PCDH9: variants seen among roughly 807,000 people sequenced by gnomAD.
PCDH9 encodes protocadherin 9.
In PCDH9, 24 loss-of-function variants were observed where a neutral mutation model predicts 70.6. The observed-to-expected ratio is 0.34, with a 90% confidence interval of 0.25 to 0.48. The LOEUF is 0.48. PCDH9 is among the 20% of genes least tolerant of loss of function. The pLI, the probability that PCDH9 is intolerant of heterozygous loss-of-function variation, is 0.99. For synonymous variants in PCDH9, 562 were observed against 558.5 expected (o/e 1.01, Z -0.09); for missense variants, 1,281 against 1,503.6 (o/e 0.85, Z 2.45).
At chr13:66,975,901 C>T (rs1484197147) in intron 2 of PCDH9, among the ~76,000 whole-genome samples, 1 of 152,012 alleles carries the variant, frequency 6.6e-6, no homozygotes, top group Admixed American at 6.6e-5. Flanking sequence ...GAAAGTAATA[C>T]ATTTCTAAAT....
intron 4 of PCDH9, among the ~76,000 whole-genome samples, chr13:66,510,651 G>A (rs1959428510): frequency 6.6e-6 from 1 of 152,064 alleles, no homozygotes; most frequent in Non-Finnish European, 1.5e-5. Flanking sequence ...GAGAATGATG[G>A]TTTCCAGCTT....
At chr13:66,767,604 A>G (rs1470423699) in intron 3 of PCDH9, among the ~76,000 whole-genome samples, 6 of 152,038 alleles carry the variant, frequency 3.9e-5, no homozygotes, top group Admixed American at 3.3e-4. Context: ...ACTTTTCAGG[A>G]AAGAGTTATG....
At chr13:66,541,103 C>A (rs1422109224) in intron 4 of PCDH9, among the ~76,000 whole-genome samples, 1 of 152,124 alleles carries the variant, frequency 6.6e-6, no homozygotes, top group Non-Finnish European at 1.5e-5. Context: ...TCTGAAGAAT[C>A]CCTTCCTCCT....
At chr13:66,420,932 C>T (rs1593951263) in intron 4 of PCDH9, among the ~76,000 whole-genome samples, 2 of 152,116 alleles carry the variant, frequency 1.3e-5, no homozygotes, top group East Asian at 3.9e-4. Context: ...AGCTAAGAAC[C>T]TTGATAAAAG....
At chr13:66,539,618 T>G (rs1442913563) in intron 4 of PCDH9, among the ~76,000 whole-genome samples, 1 of 152,112 alleles carries the variant, frequency 6.6e-6, no homozygotes, top group Non-Finnish European at 1.5e-5. Context: ...ACCCACAGAA[T>G]CTGAAGCTAA....
At chr13:66,731,477 T>C (rs760671674) in intron 3 of PCDH9, among the ~76,000 whole-genome samples, 4 of 152,180 alleles carry the variant, frequency 2.6e-5, no homozygotes, top group Non-Finnish European at 5.9e-5. Flanking sequence ...ATTGTATCAT[T>C]AGCCTAATAA....
intron 4 of PCDH9, among the ~76,000 whole-genome samples, chr13:66,319,982 T>C (rs1196461618): frequency 2.6e-5 from 4 of 152,150 alleles, no homozygotes; most frequent in Non-Finnish European, 4.4e-5. Flanking sequence ...CTATTACCTA[T>C]AGGTAATATG....
intron 3 of PCDH9, among the ~76,000 whole-genome samples, chr13:66,859,780 G>T (rs79852424): frequency 0.03 from 4,625 of 152,202 alleles, 241 homozygotes; most frequent in African/African-American, 0.1. Flanking sequence ...TACATGCGGA[G>T]AATTCATGCT....
chr13:66,672,743 G>A (rs989102411), intron 3 of PCDH9, among the ~76,000 whole-genome samples: 6 of 152,220 alleles, frequency 3.9e-5, no homozygotes, highest in African/African-American at 1.4e-4. Flanking sequence ...CTGGATGTGA[G>A]ACATGCAGTC....
intron 2 of PCDH9, among the ~76,000 whole-genome samples, chr13:67,006,032 C>T (rs2084345134): frequency 6.6e-6 from 1 of 152,210 alleles, no homozygotes. Flanking sequence ...TGAGACCATC[C>T]TGGCTAACAC....
intron 3 of PCDH9, among the ~76,000 whole-genome samples, chr13:66,682,714 T>G (rs1421530876): frequency 1.3e-5 from 2 of 152,206 alleles, no homozygotes; most frequent in Admixed American, 1.3e-4. Flanking sequence ...AGTTATAATT[T>G]TATTCATGTC....
At chr13:67,023,408 T>C (rs1314171663) in intron 2 of PCDH9, among the ~76,000 whole-genome samples, 2 of 152,258 alleles carry the variant, frequency 1.3e-5, no homozygotes, top group African/African-American at 4.8e-5. Flanking sequence ...AGTAAAATTC[T>C]GTCTTATATA....
chr13:66,347,265 A>G (rs2138159916), intron 4 of PCDH9, among the ~76,000 whole-genome samples: 1 of 152,324 alleles, frequency 6.6e-6, no homozygotes, highest in South Asian at 2.1e-4. Context: ...ATGCACTAGT[A>G]TATTGCATTT....
At chr13:66,882,842 G>A (rs902662224) in intron 3 of PCDH9, among the ~76,000 whole-genome samples, 1 of 152,068 alleles carries the variant, frequency 6.6e-6, no homozygotes, top group African/African-American at 2.4e-5. Context: ...CAGTGCATAA[G>A]GTCTATCAGC....
chr13:66,424,734 A>G (rs191539416), intron 4 of PCDH9, among the ~76,000 whole-genome samples: 28 of 152,062 alleles, frequency 1.8e-4, no homozygotes, highest in African/African-American at 6.0e-4. Flanking sequence ...GTGAAGAAAC[A>G]ATTTCGTCTG....
intron 2 of PCDH9, among the ~76,000 whole-genome samples, chr13:67,131,843 G>A (rs1394120392): frequency 6.6e-6 from 1 of 152,116 alleles, no homozygotes; most frequent in Non-Finnish European, 1.5e-5. Context: ...CAGAGATGAT[G>A]GATTTATGTA....
intron 2 of PCDH9, among the ~76,000 whole-genome samples, chr13:66,990,446 A>G (rs2083978343): frequency 6.6e-6 from 1 of 151,372 alleles, no homozygotes; most frequent in Admixed American, 6.6e-5. Flanking sequence ...ATATACATAT[A>G]GGTTAGGTTC....
chr13:66,898,037 C>G (rs1367652096), intron 3 of PCDH9, among the ~76,000 whole-genome samples: 1 of 151,968 alleles, frequency 6.6e-6, no homozygotes, highest in East Asian at 1.9e-4. Context: ...AGTTTTGGAA[C>G]CTTCATGGTA....
chr13:66,487,762 T>G (rs998425252), intron 4 of PCDH9, among the ~76,000 whole-genome samples: 1 of 152,144 alleles, frequency 6.6e-6, no homozygotes, highest in African/African-American at 2.4e-5. Flanking sequence ...TCCCCTCACC[T>G]CTATTACCAA....
Sources: allele counts gnomAD v4.1 joint callset (sites outside exome capture counted in the v4.1 genomes callset), GRCh38; gene constraint gnomAD v4.1.1; transcripts MANE v1.5; gene names NCBI Gene and HGNC (gene_info 2026-07-23, HGNC 2026-07-21).